DGLUCY: variants seen among roughly 807,000 people sequenced by gnomAD.
DGLUCY encodes D-glutamate cyclase, also known as D-glutamate cyclase, mitochondrial.
A neutral mutation model predicts 58.5 loss-of-function variants in DGLUCY; 58 were observed. The observed-to-expected ratio is 0.99, with a 90% CI of 0.80 to 1.23. The LOEUF is 1.23. DGLUCY is among the 50% of genes most tolerant of loss of function. DGLUCY has a pLI of 0.00. For missense variants in DGLUCY, 779 were observed against 784.7 expected (o/e 0.99, Z 0.09); for synonymous variants, 325 against 314.1 (o/e 1.03, Z -0.37).
intron 12 of DGLUCY, among the ~76,000 whole-genome samples, chr14:91,207,018 TGTCG>T (rs1884819663): frequency 6.6e-6 from 1 of 151,482 alleles, no homozygotes; most frequent in Non-Finnish European, 1.5e-5. Flanking sequence ...ATTAGCCAGG[TGTCG>T]TGGTGCATAC....
chr14:91,203,769 C>A (rs924196767), intron 11 of DGLUCY, among the ~76,000 whole-genome samples: 1 of 151,792 alleles, frequency 6.6e-6, no homozygotes, highest in Non-Finnish European at 1.5e-5. Context: ...CTCTGCCTCC[C>A]AGTTTCAAGT....
chr14:91,079,562 C>T (rs1281261730), intron 1 of DGLUCY, among the ~76,000 whole-genome samples: 1 of 152,036 alleles, frequency 6.6e-6, no homozygotes, highest in South Asian at 2.1e-4. Flanking sequence ...CCATATGGGC[C>T]GGGCTGGTCA....
intron 12 of DGLUCY, among the ~76,000 whole-genome samples, chr14:91,206,145 AT>A (rs1202187872): frequency 6.6e-6 from 1 of 151,542 alleles, no homozygotes; most frequent in Non-Finnish European, 1.5e-5. Flanking sequence ...GGAAAGCGAA[AT>A]ACCCAACCCC....
chr14:91,195,518 T>C (rs1174320281), intron 9 of DGLUCY, among the ~76,000 whole-genome samples: 1 of 152,092 alleles, frequency 6.6e-6, no homozygotes, highest in Admixed American at 6.6e-5. Context: ...CCTGAAGGTA[T>C]GCAGGGAGGT....
rs572005059 is a variant in DGLUCY, at chr14:91,137,598, T to C, written c.-81-20041T>C. Among the ~76,000 whole-genome samples, 7 of 151,294 alleles carry C rather than the reference T, an allele frequency of 4.6e-5. No homozygotes were observed. In the South Asian group the frequency reaches 6.3e-4, roughly 14 times the overall value. On this transcript the variant is annotated intron_variant, in intron 1 of 13. Coordinates refer to ENST00000256324, the MANE Select transcript of DGLUCY (RefSeq NM_001102368.3). ...TTTTAGTACAGACGGGGTTTCACCA[T>C]GTTGGCCAGGATGGTCTTGATCTCC...
chr14:91,202,704 G>A (rs2050648004), intron 11 of DGLUCY, among the ~76,000 whole-genome samples: 1 of 152,204 alleles, frequency 6.6e-6, no homozygotes. Context: ...CAGGGTCTGA[G>A]GGAGCTGCTA....
chr14:91,190,050 C>T (rs996685267), intron 9 of DGLUCY, among the ~76,000 whole-genome samples: 4 of 139,218 alleles, frequency 2.9e-5, no homozygotes, highest in South Asian at 2.3e-4. Flanking sequence ...TGCAGTGGCG[C>T]GATCTCGGCT....
At chr14:91,162,695 A>G (rs1398275993) in intron 3 of DGLUCY, among the ~76,000 whole-genome samples, 1 of 152,164 alleles carries the variant, frequency 6.6e-6, no homozygotes, top group African/African-American at 2.4e-5. Flanking sequence ...TCAGGCATTC[A>G]AGACCAGCCC....
chr14:91,062,558 AATATATAT>A (rs1157690131), intron 1 of DGLUCY, among the ~76,000 whole-genome samples: 5 of 23,690 alleles, frequency 2.1e-4, no homozygotes, highest in African/African-American at 5.9e-4. Flanking sequence ...AAAAAAAAAA[AATATATAT>A]ATATATATAT....
At chr14:91,206,445 C>T (rs985566440) in intron 12 of DGLUCY, among the ~76,000 whole-genome samples, 11 of 151,970 alleles carry the variant, frequency 7.2e-5, no homozygotes, top group Non-Finnish European at 8.8e-5. Context: ...TGCAGTGGCA[C>T]GATCTCAGCT....
exon 1 of DGLUCY, chr14:91,060,450 C>T: frequency 6.9e-7 from 1 of 1,444,334 alleles, no homozygotes. Flanking sequence ...CCTTTTTTTC[C>T]GATCCCGCGG....
At chr14:91,220,454 C>G (rs372087305) in intron 13 of DGLUCY, 3 of 455,658 alleles carry the variant, frequency 6.6e-6, no homozygotes, top group Middle Eastern at 3.2e-4. Flanking sequence ...CAGGCTGGGG[C>G]AGGTGTCAGG....
chr14:91,179,656 C>T (rs1479267269), intron 7 of DGLUCY, among the ~76,000 whole-genome samples: 2 of 150,336 alleles, frequency 1.3e-5, no homozygotes, highest in Admixed American at 6.6e-5. Flanking sequence ...GAGGCTGAGA[C>T]AGGAGAATTT....
At chr14:91,090,892 GGCGAATC>G (rs2044300109) in intron 1 of DGLUCY, among the ~76,000 whole-genome samples, 1 of 152,144 alleles carries the variant, frequency 6.6e-6, no homozygotes, top group African/African-American at 2.4e-5. Context: ...CATCCTGCAG[GGCGAATC>G]CACCCATTTC....
intron 1 of DGLUCY, chr14:91,126,404 C>CTTCTT (rs57615276): frequency 0.86 from 160,659 of 187,558 alleles, 69,196 homozygotes; most frequent in East Asian, 1. Context: ...ATGTCTGTGC[C>CTTCTT]TTCTTATAAT....
At chr14:91,187,750 T>G (rs1453560784) in intron 8 of DGLUCY, among the ~76,000 whole-genome samples, 4 of 152,166 alleles carry the variant, frequency 2.6e-5, no homozygotes, top group Non-Finnish European at 5.9e-5. Flanking sequence ...ATGCCCAGTC[T>G]CCTGTCCTCC....
chr14:91,182,336 T>C (rs1417150296), intron 8 of DGLUCY, among the ~76,000 whole-genome samples: 3 of 152,086 alleles, frequency 2.0e-5, no homozygotes, highest in African/African-American at 7.2e-5. Context: ...AGGAAGTTCG[T>C]TGAGTTTATT....
chr14:91,062,309 G>A (rs1190100362), intron 1 of DGLUCY, among the ~76,000 whole-genome samples: 2 of 151,730 alleles, frequency 1.3e-5, no homozygotes, highest in Non-Finnish European at 2.9e-5. Flanking sequence ...CACTGTGGGA[G>A]GCTGAGGCAG....
At chr14:91,102,932 T>C (rs113871236) in intron 1 of DGLUCY, among the ~76,000 whole-genome samples, 6,651 of 152,068 alleles carry the variant, frequency 0.044, 170 homozygotes, top group Middle Eastern at 0.068. Context: ...TGGCTAATTT[T>C]TGTATTTTTA....
Sources: allele counts gnomAD v4.1 joint callset (sites outside exome capture counted in the v4.1 genomes callset), GRCh38; gene constraint gnomAD v4.1.1; transcripts MANE v1.5; gene names NCBI Gene and HGNC (gene_info 2026-07-23, HGNC 2026-07-21).